The following VAC14 variants were observed in gnomAD, a reference collection of about 807,000 sequenced individuals.
The protein encoded by VAC14 is protein VAC14 homolog.
Under a neutral mutation model 85.3 loss-of-function variants are expected in VAC14, and 47 were observed. The ratio of observed to expected loss-of-function variants is 0.55; its 90% CI spans 0.44 to 0.70. The LOEUF is 0.70. Ranked by LOEUF, VAC14 falls within the 30% of genes least tolerant of loss-of-function variation. VAC14 has a pLI of 0.00. For synonymous variants in VAC14, 447 were observed against 430.5 expected (o/e 1.04, Z -0.47); for missense variants, 861 against 1,004.3 (o/e 0.86, Z 1.93).
At chr16:70,763,427 A>C (rs2032567500) in intron 10 of VAC14, among the ~76,000 whole-genome samples, 1 of 152,240 alleles carries the variant, frequency 6.6e-6, no homozygotes, top group Non-Finnish European at 1.5e-5. Context: ...ACCAGGCTCA[A>C]GGCATTAAGT....
intron 10 of VAC14, among the ~76,000 whole-genome samples, chr16:70,767,138 G>C (rs114095849): frequency 6.6e-6 from 1 of 152,164 alleles, no homozygotes; most frequent in Admixed American, 6.5e-5. Context: ...ATCTTATAAT[G>C]AATGTCTTAC....
intron 12 of VAC14, among the ~76,000 whole-genome samples, chr16:70,760,275 T>C (rs766333656): frequency 6.6e-6 from 1 of 152,074 alleles, no homozygotes; most frequent in Non-Finnish European, 1.5e-5. Flanking sequence ...TGTTTGGAAA[T>C]ACTTGAAAAA....
intron 18 of VAC14, chr16:70,690,171 G>T (rs1360758880): frequency 1.0e-6 from 1 of 985,370 alleles, no homozygotes; most frequent in Non-Finnish European, 1.2e-6. Flanking sequence ...TCTGCTCCCT[G>T]GGCCCTTAGG....
At chr16:70,753,766 C>T (rs2031598556) in intron 12 of VAC14, among the ~76,000 whole-genome samples, 1 of 152,170 alleles carries the variant, frequency 6.6e-6, no homozygotes, top group Admixed American at 6.5e-5. Flanking sequence ...GGTGACAGTC[C>T]TGGTTTAGAT....
chr16:70,726,393 CAG>C (rs1206659743), intron 14 of VAC14, among the ~76,000 whole-genome samples: 2 of 152,240 alleles, frequency 1.3e-5, no homozygotes, highest in Non-Finnish European at 2.9e-5. Flanking sequence ...TTCATCCCCT[CAG>C]GGGTGTGGTT....
rs139412084 is a variant in VAC14 at position 70,757,299 on chromosome 16, C to T, written c.1371+5241G>A. Among the ~76,000 whole-genome samples the T allele has an allele frequency of 2.1e-4, 32 of 152,332 alleles. No individual in the cohort carries two copies. In the East Asian group the frequency reaches 3.5e-3, roughly 17 times the overall value. ...TCCAATGCAGGTCCTCTGCTGACGACGCCATTTCTCTTCCTCTCCCTGGAC... is the reference window on the plus strand; with the variant it reads ...TCCAATGCAGGTCCTCTGCTGACGATGCCATTTCTCTTCCTCTCCCTGGAC... On this transcript the variant is annotated intron_variant, in intron 12 of 18. Coordinates refer to ENST00000261776, the MANE Select transcript of VAC14 (RefSeq NM_018052.5).
chr16:70,736,978 G>A (rs2054776288), intron 13 of VAC14, among the ~76,000 whole-genome samples: 1 of 152,164 alleles, frequency 6.6e-6, no homozygotes, highest in Admixed American at 6.5e-5. Flanking sequence ...CTCTTTCCCA[G>A]CCTCAGTGGC....
intron 17 of VAC14, among the ~76,000 whole-genome samples, chr16:70,694,432 CT>C (rs1248060755): frequency 2.0e-5 from 3 of 152,228 alleles, no homozygotes; most frequent in Non-Finnish European, 4.4e-5. Context: ...GGTCTCCCCC[CT>C]GCTCTTCTGT....
chr16:70,780,491 G>A (rs1221653423), intron 9 of VAC14, among the ~76,000 whole-genome samples: 2 of 152,176 alleles, frequency 1.3e-5, no homozygotes, highest in African/African-American at 4.8e-5. Flanking sequence ...AGGCTTCATG[G>A]TCTTTGAGGC....
intron 12 of VAC14, chr16:70,747,134 G>C (rs1245406863): frequency 1.3e-5 from 2 of 152,162 alleles, no homozygotes; most frequent in East Asian, 3.9e-4. Flanking sequence ...ATCCACACCA[G>C]GGAATATTAT....
intron 13 of VAC14, among the ~76,000 whole-genome samples, chr16:70,732,127 T>C (rs1415764670): frequency 6.6e-6 from 1 of 152,336 alleles, no homozygotes; most frequent in Non-Finnish European, 1.5e-5. Flanking sequence ...ACAAAACTGA[T>C]GGACCCACAA....
intron 17 of VAC14, among the ~76,000 whole-genome samples, chr16:70,695,307 C>T (rs905280786): frequency 2.0e-5 from 3 of 152,154 alleles, no homozygotes; most frequent in East Asian, 1.9e-4. Context: ...CAGATGAGAT[C>T]TCACTATGGT....
At chr16:70,708,720 G>A (rs1211349380) in intron 14 of VAC14, among the ~76,000 whole-genome samples, 1 of 152,208 alleles carries the variant, frequency 6.6e-6, no homozygotes, top group Non-Finnish European at 1.5e-5. Flanking sequence ...AGGAAGGACC[G>A]ATGGGGTATC....
chr16:70,714,863 T>C (rs1416583495), intron 14 of VAC14: 1 of 152,158 alleles, frequency 6.6e-6, no homozygotes, highest in Non-Finnish European at 1.5e-5. Context: ...GGAGAGTGTG[T>C]AGGGCCACAG....
chr16:70,719,860 T>TAC, intron 14 of VAC14, among the ~76,000 whole-genome samples: 1 of 152,296 alleles, frequency 6.6e-6, no homozygotes, highest in Admixed American at 6.5e-5. Context: ...CCTAGGTATA[T>TAC]ACCTAATAGA....
At chr16:70,755,675 C>T (rs2031780829) in intron 12 of VAC14, among the ~76,000 whole-genome samples, 2 of 152,220 alleles carry the variant, frequency 1.3e-5, no homozygotes, top group African/African-American at 2.4e-5. Context: ...TCCTAGTCTC[C>T]TCCCACTGAT....
intron 1 of VAC14, among the ~76,000 whole-genome samples, chr16:70,792,016 G>A (rs138452705): frequency 2.0e-5 from 3 of 152,202 alleles, no homozygotes; most frequent in African/African-American, 7.2e-5. Flanking sequence ...TGCACATCAA[G>A]AAGGGCTCAG....
chr16:70,732,399 G>A (rs1002437109), intron 13 of VAC14, among the ~76,000 whole-genome samples: 4 of 152,106 alleles, frequency 2.6e-5, no homozygotes, highest in Admixed American at 6.5e-5. Flanking sequence ...AAAACACACC[G>A]AGGTACAGAT....
At chr16:70,698,856 AG>A in intron 14 of VAC14, 45 bp from the exon 15 acceptor site, 1 of 1,603,700 alleles carries the variant, frequency 6.2e-7, no homozygotes, top group Non-Finnish European at 8.5e-7. Flanking sequence ...CCGACCTGGA[AG>A]GCTCTGTGTC....
Sources: gnomAD v4.1 joint callset for allele counts (sites outside exome capture counted in the v4.1 genomes callset) on GRCh38, gnomAD v4.1.1 for gene constraint, MANE v1.5 for transcripts, NCBI Gene and HGNC (gene_info 2026-07-23, HGNC 2026-07-21) for gene names.